The following LDLRAD4 variants were observed in gnomAD, a reference collection of about 807,000 sequenced individuals.
LDLRAD4 encodes the protein low-density lipoprotein receptor class A domain-containing protein 4.
LDLRAD4 carries 5 observed loss-of-function variants against 17.0 expected under a neutral mutation model. The observed-to-expected ratio is 0.29, with a 90% CI of 0.15 to 0.62. The LOEUF (loss-of-function observed/expected upper bound fraction) is 0.62. Ranked by LOEUF, LDLRAD4 falls within the 20% of genes least tolerant of loss-of-function variation. The pLI, the probability that LDLRAD4 is intolerant of heterozygous loss-of-function variation, is 0.84. For missense variants in LDLRAD4, 340 were observed against 424.7 expected (o/e 0.80, Z 1.75); for synonymous variants, 168 against 171.8 (o/e 0.98, Z 0.17).
chr18:13,391,800 T>C (rs1180233437), intron 2 of LDLRAD4, among the ~76,000 whole-genome samples: 1 of 152,248 alleles, frequency 6.6e-6, no homozygotes, highest in East Asian at 1.9e-4. Context: ...GTGTTCATAA[T>C]AGTATTTAAT....
intron 2 of LDLRAD4, 29 bp downstream of exon 3, chr18:13,387,791 T>TA: frequency 1.2e-6 from 2 of 1,604,898 alleles, no homozygotes; most frequent in Non-Finnish European, 1.7e-6. Context: ...ATCCGAGGCT[T>TA]TGCCTCCACT....
chr18:13,508,656 G>A (rs145828163), intron 3 of LDLRAD4, among the ~76,000 whole-genome samples: 52 of 152,210 alleles, frequency 3.4e-4, no homozygotes, highest in African/African-American at 1.0e-3. Flanking sequence ...ATCCATAGAT[G>A]TATTTTTAGC....
chr18:13,483,194 A>T (rs778871040), intron 3 of LDLRAD4, among the ~76,000 whole-genome samples: 3 of 152,170 alleles, frequency 2.0e-5, no homozygotes, highest in Non-Finnish European at 4.4e-5. Context: ...TCTCAAACCC[A>T]TCTCTCCACA....
chr18:13,236,966 G>T (rs1471404406), intron 1 of LDLRAD4, among the ~76,000 whole-genome samples: 1 of 152,208 alleles, frequency 6.6e-6, no homozygotes, highest in Non-Finnish European at 1.5e-5. Context: ...GTGCTTGGGG[G>T]CATAATGTGT....
intron 1 of LDLRAD4, among the ~76,000 whole-genome samples, chr18:13,290,230 A>G (rs2045887583): frequency 1.3e-5 from 2 of 152,358 alleles, no homozygotes; most frequent in South Asian, 4.1e-4. Context: ...TGATCCTTGA[A>G]GAGGAAGAGG....
intron 3 of LDLRAD4, chr18:13,491,328 C>CAGATGGCGGCTG (rs1312760188): frequency 6.6e-6 from 1 of 152,236 alleles, no homozygotes; most frequent in Non-Finnish European, 1.5e-5. Context: ...CCTCCACTAT[C>CAGATGGCGGCTG]AGATGGCGGC....
intron 3 of LDLRAD4, among the ~76,000 whole-genome samples, chr18:13,592,357 T>C (rs2095040406): frequency 6.6e-6 from 1 of 152,240 alleles, no homozygotes; most frequent in African/African-American, 2.4e-5. Context: ...CCTATTCTGT[T>C]CTTTCTTTTA....
At chr18:13,504,477 G>A (rs967420765) in intron 3 of LDLRAD4, among the ~76,000 whole-genome samples, 24 of 152,098 alleles carry the variant, frequency 1.6e-4, no homozygotes, top group Non-Finnish European at 5.9e-5. Context: ...ACCCAGGCTG[G>A]AGTGCAGTGG....
chr18:13,289,913 G>T (rs1037337016), intron 1 of LDLRAD4, among the ~76,000 whole-genome samples: 1 of 152,240 alleles, frequency 6.6e-6, no homozygotes, highest in South Asian at 2.1e-4. Flanking sequence ...TCCTGGAAGA[G>T]GTTCAGCAGC....
In LDLRAD4 at chr18:13,300,622, A is replaced by G. The variant is rs2046538957; in HGVS notation, c.-383+22434A>G. Among the ~76,000 whole-genome samples, 1 of 152,190 alleles carries G rather than the reference A, an allele frequency of 6.6e-6. No individual in the cohort carries two copies. The highest frequency in any genetic ancestry group is 1.5e-5 in the Non-Finnish European group (1 of 68,030). The stretch of plus-strand genomic sequence containing the variant: ...AATTGGCTGTGAGATGAGTGACAGC[A>G]GGATGAAGGAATTTGGCATCTTTAG... On this transcript the variant is annotated intron_variant, in intron 1 of 5. Transcript: ENST00000359446. The surrounding 1 kb of genome is among the most constrained non-coding windows in gnomAD (Gnocchi z 4.2).
intron 1 of LDLRAD4, among the ~76,000 whole-genome samples, chr18:13,262,176 G>T (rs1377721964): frequency 7.4e-6 from 1 of 135,736 alleles, no homozygotes; most frequent in Non-Finnish European, 1.6e-5. Context: ...GCTGAGTCCC[G>T]TGTGGCCCTG....
chr18:13,510,435 T>A (rs1484173255), intron 3 of LDLRAD4, among the ~76,000 whole-genome samples: 2 of 151,928 alleles, frequency 1.3e-5, no homozygotes, highest in Admixed American at 1.3e-4. Context: ...GGTTCTATGA[T>A]GCAGGAGTCC....
At chr18:13,296,900 G>A (rs908797011) in intron 1 of LDLRAD4, among the ~76,000 whole-genome samples, 3 of 152,126 alleles carry the variant, frequency 2.0e-5, no homozygotes. Context: ...AGCTTTGAGG[G>A]CAGGCTGACC....
chr18:13,468,792 T>C (rs2092692270), intron 3 of LDLRAD4, among the ~76,000 whole-genome samples: 1 of 138,344 alleles, frequency 7.2e-6, no homozygotes, highest in Non-Finnish European at 1.5e-5. Context: ...TAGGTGGGAA[T>C]TGAATAATGA....
intron 1 of LDLRAD4, among the ~76,000 whole-genome samples, chr18:13,232,030 A>G (rs920090403): frequency 6.6e-6 from 1 of 152,234 alleles, no homozygotes; most frequent in African/African-American, 2.4e-5. Context: ...TGGGAGGTCA[A>G]GGGTATAGCA....
intron 1 of LDLRAD4, among the ~76,000 whole-genome samples, chr18:13,317,226 G>A (rs1223434632): frequency 2.0e-5 from 3 of 152,168 alleles, no homozygotes; most frequent in African/African-American, 7.2e-5. Context: ...TAAAGGCAGG[G>A]TCTATAGCCA....
intron 1 of LDLRAD4, among the ~76,000 whole-genome samples, chr18:13,230,406 T>C (rs2042013205): frequency 6.6e-6 from 1 of 152,210 alleles, no homozygotes; most frequent in Non-Finnish European, 1.5e-5. Context: ...ATCTAGTGGG[T>C]TGCAGCGAGA....
chr18:13,323,155 G>T (rs2143423296), intron 1 of LDLRAD4, among the ~76,000 whole-genome samples: 1 of 152,280 alleles, frequency 6.6e-6, no homozygotes, highest in African/African-American at 2.4e-5. Flanking sequence ...AAAAGCTTTT[G>T]TTTTTTAGAA....
intron 1 of LDLRAD4, among the ~76,000 whole-genome samples, chr18:13,375,211 C>G (rs189643469): frequency 4.2e-4 from 64 of 152,272 alleles, no homozygotes; most frequent in South Asian, 1.9e-3. Flanking sequence ...GCAGCCAGGA[C>G]TCATCTGGAG....
Sources: gnomAD v4.1 joint callset for allele counts (sites outside exome capture counted in the v4.1 genomes callset) on GRCh38, gnomAD v4.1.1 for gene constraint, Gnocchi (gnomAD v3.1) non-coding constraint, MANE v1.5 for transcripts, NCBI Gene and HGNC (gene_info 2026-07-23, HGNC 2026-07-21) for gene names.